Variants in DDX4 observed in about 807,000 individuals in gnomAD.
DDX4 encodes the protein DEAD-box helicase 4.
In DDX4, 25 loss-of-function variants were observed where a neutral mutation model predicts 100.0. The observed-to-expected ratio is 0.25, with a 90% CI of 0.18 to 0.35. The LOEUF is 0.35. Among genes scored for constraint, DDX4 ranks in the 10% least tolerant of loss-of-function variants. DDX4 has a pLI of 1.00. For missense variants in DDX4, 635 were observed against 882.4 expected (o/e 0.72, Z 3.55); for synonymous variants, 259 against 275.7 (o/e 0.94, Z 0.60).
Position 55,738,829 on chromosome 5 carries a change from G to C in DDX4, c.-14-121G>C. ...AATTCCTTCTTTGGAAAAAACTTTT[G>C]GGGTATCAGCACCTAGTTGGGTAGT... On this transcript the variant is annotated intron_variant, in intron 1 of 21. Coordinates refer to ENST00000505374, the MANE Select transcript of DDX4 (RefSeq NM_024415.3). 3 of 677,542 alleles carry C rather than the reference G, an allele frequency of 4.4e-6. No homozygotes were observed. In the South Asian group the frequency reaches 5.1e-5, roughly 12 times the overall value. The allele number at this position is 677,542 out of a possible 1,614,324, so 42.0% of individuals were successfully genotyped here.
intron 7 of DDX4, among the ~76,000 whole-genome samples, chr5:55,768,749 T>C (rs1030177898): frequency 2.0e-5 from 3 of 152,220 alleles, no homozygotes; most frequent in East Asian, 1.9e-4. Context: ...CCACCAGCAG[T>C]GTATAGGCAT....
At chr5:55,749,388 C>CACT (rs1311803935) in intron 3 of DDX4, among the ~76,000 whole-genome samples, 2 of 152,170 alleles carry the variant, frequency 1.3e-5, no homozygotes, top group Non-Finnish European at 2.9e-5. Flanking sequence ...GCATTGATCA[C>CACT]ACTACTGCAC....
In DDX4 at chr5:55,816,725, C is replaced by T; in HGVS notation, c.*185C>T. 1 of 968,636 alleles carries T rather than the reference C, an allele frequency of 1.0e-6. No individual in the cohort carries two copies. Among genetic ancestry groups the T allele is most frequent in the Non-Finnish European group, 1.4e-6 (1 of 693,358 alleles). 60.0% of individuals were successfully genotyped at this position (968,636 alleles called of 1,614,324 possible). A position where few individuals can be genotyped will look rare whatever the true frequency, so the allele number is the denominator to read the frequency against. On this transcript the variant is annotated 3_prime_UTR_variant, in exon 22 of 22. Transcript: ENST00000505374. ...TGAGATGCTAAAACTTACAACATTGCAGTTACTGATACAAATGGTGTTAAC... is the reference window on the plus strand; with the variant it reads ...TGAGATGCTAAAACTTACAACATTGTAGTTACTGATACAAATGGTGTTAAC...
intron 3 of DDX4, among the ~76,000 whole-genome samples, chr5:55,757,090 T>G (rs1759985900): frequency 2.0e-5 from 3 of 152,208 alleles, no homozygotes; most frequent in African/African-American, 7.2e-5. Context: ...CTTAGAACCT[T>G]CTACTCTTGT....
chr5:55,793,062 G>T (rs988505607), intron 17 of DDX4, among the ~76,000 whole-genome samples: 8 of 150,476 alleles, frequency 5.3e-5, no homozygotes, highest in Non-Finnish European at 8.9e-5. Context: ...GTGTTTGTGT[G>T]TGTTGTTGTT....
chr5:55,744,688 G>A (rs573039443), intron 2 of DDX4, among the ~76,000 whole-genome samples: 1 of 152,296 alleles, frequency 6.6e-6, no homozygotes, highest in South Asian at 2.1e-4. Context: ...AAAGTGAACA[G>A]TTAGTATTTG....
At chr5:55,758,868 T>TAAAAAAA (rs35392036) in intron 3 of DDX4, among the ~76,000 whole-genome samples, 2 of 70,304 alleles carry the variant, frequency 2.8e-5, no homozygotes, top group African/African-American at 1.1e-4. Context: ...TTTGTTTCCT[T>TAAAAAAA]AAAAAAAAAA....
rs745590432 is a variant in DDX4, at chr5:55,779,983, T to C, written c.414T>C (p.Asn138=). The change falls in exon 8 of 22, where the codon AAT becomes AAC. Residue 138 remains asparagine, a synonymous_variant. Transcript: ENST00000505374. The stretch of plus-strand genomic sequence containing the variant: ...TTATAGGCTATCGAGATGGAAATAA[T>C]TCAGAAGCTTCAGGGCCATACAGAA... ...SKRGGYRDGN[N]SEASGPYRRG... is the part of the protein sequence containing the mutation. 1.2e-6 allele frequency: 2 copies of C among 1,613,724 alleles called. No homozygotes were observed. The highest frequency in any genetic ancestry group is 2.7e-5 in the African/African-American group (2 of 74,932).
intron 3 of DDX4, among the ~76,000 whole-genome samples, chr5:55,751,972 G>A (rs1411996947): frequency 3.3e-5 from 5 of 151,960 alleles, no homozygotes; most frequent in African/African-American, 1.2e-4. Context: ...ATTTATTTGA[G>A]TGTCAAATCA....
intron 3 of DDX4, among the ~76,000 whole-genome samples, chr5:55,748,732 AAAAAAAG>A (rs1262312695): frequency 6.6e-6 from 1 of 152,066 alleles, no homozygotes; most frequent in African/African-American, 2.4e-5. Flanking sequence ...TATTGTTTTA[AAAAAAAG>A]GAAAAAGGGA....
intron 11 of DDX4, 39 bp from the exon 12 acceptor site, chr5:55,785,407 TA>T: frequency 1.9e-6 from 3 of 1,593,688 alleles, no homozygotes; most frequent in Non-Finnish European, 2.6e-6. Context: ...CTTTCAATTT[TA>T]AAAAACATGT....
At chr5:55,747,656 A>G (rs1460934017) in intron 3 of DDX4, among the ~76,000 whole-genome samples, 1 of 152,222 alleles carries the variant, frequency 6.6e-6, no homozygotes, top group Non-Finnish European at 1.5e-5. Flanking sequence ...GTCTGTAACC[A>G]TCATCCACCA....
intron 18 of DDX4, among the ~76,000 whole-genome samples, chr5:55,809,171 A>G (rs1461221799): frequency 1.3e-5 from 2 of 152,212 alleles, no homozygotes; most frequent in African/African-American, 2.4e-5. Flanking sequence ...GGAAAAGTGC[A>G]GTATTATGGT....
rs148180718 is a variant in DDX4 at position 55,774,346 on chromosome 5, C to T, written c.395-5618C>T. 3.5e-3 allele frequency among the ~76,000 whole-genome samples: 531 copies of T among 152,014 alleles called. 6 individuals carry two copies. Among genetic ancestry groups the T allele is most frequent in the African/African-American group, 0.012 (497 of 41,470 alleles). ...TCTTTATTTTTTGTAGGGATGGGGT[C>T]TCACTGTGTTGTCCAGGCTTGTCTC... is the stretch of plus-strand genomic sequence containing the variant. On this transcript the variant is annotated intron_variant, in intron 7 of 21. Transcript: ENST00000505374.
At chr5:55,781,606 A>G (rs1283471427) in intron 9 of DDX4, among the ~76,000 whole-genome samples, 2 of 151,914 alleles carry the variant, frequency 1.3e-5, no homozygotes, top group African/African-American at 4.8e-5. Flanking sequence ...GCAAAACCCT[A>G]TCTCTACTAA....
At chr5:55,776,587 G>T (rs1301715380) in intron 7 of DDX4, among the ~76,000 whole-genome samples, 2 of 152,204 alleles carry the variant, frequency 1.3e-5, no homozygotes, top group Non-Finnish European at 1.5e-5. Flanking sequence ...ATTTTCTTCA[G>T]TAAAGGTAGA....
chr5:55,764,546 G>A (rs148323142), intron 6 of DDX4, among the ~76,000 whole-genome samples: 317 of 152,196 alleles, frequency 2.1e-3, no homozygotes, highest in African/African-American at 6.5e-3. Flanking sequence ...CCAGAAGATG[G>A]ACTACGATAA....
intron 8 of DDX4, 86 bp from the exon 9 acceptor site, chr5:55,780,980 C>T: frequency 8.4e-7 from 1 of 1,190,188 alleles, no homozygotes; most frequent in South Asian, 1.5e-5. Context: ...ACTTCTGATA[C>T]CATAACTTGA....
At chr5:55,796,883 C>T (rs1742996202) in intron 17 of DDX4, among the ~76,000 whole-genome samples, 1 of 127,168 alleles carries the variant, frequency 7.9e-6, no homozygotes. Context: ...CTCTTCTCGC[C>T]CAGGCTGAAG....
Sources: gnomAD v4.1 joint callset for allele counts (sites outside exome capture counted in the v4.1 genomes callset) on GRCh38, gnomAD v4.1.1 for gene constraint, MANE v1.5 for transcripts, NCBI Gene and HGNC (gene_info 2026-07-23, HGNC 2026-07-21) for gene names.